Variants in APP observed in about 807,000 individuals in gnomAD.
APP encodes the protein amyloid beta precursor protein.
Under a neutral mutation model 101.4 loss-of-function variants are expected in APP, and 31 were observed. That is an observed-to-expected ratio of 0.31 (90% CI 0.23 to 0.41). The LOEUF (loss-of-function observed/expected upper bound fraction) is 0.41, where lower values mean the gene tolerates loss of function less well. Among genes scored for constraint, APP ranks in the 10% least tolerant of loss-of-function variants. The probability of loss-of-function intolerance (pLI) is 1.00; values close to 1 mark genes in which losing one functional copy is unlikely to be tolerated. For synonymous variants in APP, 366 were observed against 364.4 expected, an observed-to-expected ratio of 1.00 and a Z score of -0.05; for missense variants, 839 against 1,003.7, an observed-to-expected ratio of 0.84 and a Z score of 2.22.
chr21:25,886,051 G>A (rs2146210745), intron 17 of APP, among the ~76,000 whole-genome samples: 1 of 152,208 alleles, frequency 6.6e-6, no homozygotes, highest in East Asian at 1.9e-4. Context: ...ACAAGGGACT[G>A]AGTCAGGCCA....
intron 3 of APP, among the ~76,000 whole-genome samples, chr21:26,075,535 T>C (rs2061484425): frequency 6.6e-6 from 1 of 152,218 alleles, no homozygotes; most frequent in Non-Finnish European, 1.5e-5. Context: ...AATCAGTTTT[T>C]TCCCCAATCC....
intron 1 of APP, among the ~76,000 whole-genome samples, chr21:26,141,543 A>C (rs2063045860): frequency 6.6e-6 from 1 of 152,222 alleles, no homozygotes; most frequent in South Asian, 2.1e-4. Flanking sequence ...AGGATTAAGA[A>C]ATTTACATTC....
intron 17 of APP, among the ~76,000 whole-genome samples, chr21:25,884,636 T>G (rs1317881046): frequency 6.6e-6 from 1 of 152,196 alleles, no homozygotes; most frequent in Non-Finnish European, 1.5e-5. Flanking sequence ...CCATTTGAAC[T>G]TGGGCATCAT....
In APP at chr21:26,021,291, G is replaced by A. The variant is rs186432661; in HGVS notation, c.865+549C>T. On this transcript the variant is annotated intron_variant, in intron 6 of 17. Coordinates refer to ENST00000346798, the MANE Select transcript of APP (RefSeq NM_000484.4). ...TTGAACTCCTGGCCTCAGGTGATCC[G>A]CCTGCCTCGGCCTCCCAAAGTGCTG... Among the ~76,000 whole-genome samples the A allele has an allele frequency of 1.6e-3, 250 of 152,022 alleles. 1 individual carries two copies. The highest frequency in any genetic ancestry group is 5.5e-3 in the African/African-American group (230 of 41,464).
chr21:25,982,986 T>A (rs145341441), intron 8 of APP, among the ~76,000 whole-genome samples: 553 of 51,224 alleles, frequency 0.011, 1 homozygote, highest in Middle Eastern at 0.019. Context: ...AAGACAACCT[T>A]CATGAGACAG....
chr21:25,990,858 C>A (rs2042832941), intron 8 of APP, among the ~76,000 whole-genome samples: 1 of 152,154 alleles, frequency 6.6e-6, no homozygotes, highest in Non-Finnish European at 1.5e-5. Flanking sequence ...CCTGGCCTCG[C>A]ACATCCTGGG....
Position 25,963,066 on chromosome 21 carries a change from G to A in APP, c.1459-7311C>T, listed in dbSNP as rs149395808. On this transcript the variant is annotated intron_variant, in intron 11 of 17. Transcript: ENST00000346798. ...TGACCTCAGGTGATCCACCTGCCTC[G>A]GCCTCCCAAAGTGCTGGGATTACAG... Among the ~76,000 whole-genome samples, 1,472 of 152,166 alleles carry A rather than the reference G, an allele frequency of 9.7e-3. 15 individuals carry two copies. Among genetic ancestry groups the A allele is most frequent in the African/African-American group, 0.033 (1,359 of 41,506 alleles).
intron 3 of APP, among the ~76,000 whole-genome samples, chr21:26,081,871 G>A (rs17001673): frequency 0.049 from 7,445 of 152,178 alleles, 387 homozygotes; most frequent in East Asian, 0.23. Flanking sequence ...GTTATTGTAC[G>A]TTGATATTTA....
intron 1 of APP, among the ~76,000 whole-genome samples, chr21:26,166,442 TGAAAAG>T (rs773961471): frequency 1.8e-4 from 28 of 152,290 alleles, no homozygotes; most frequent in South Asian, 4.1e-4. Flanking sequence ...GCTCTCACTA[TGAAAAG>T]GAAAAGATTT....
chr21:26,143,486 T>C (rs550796180), intron 1 of APP, among the ~76,000 whole-genome samples: 70 of 152,378 alleles, frequency 4.6e-4, no homozygotes, highest in African/African-American at 1.6e-3. Flanking sequence ...TGTTTTGATA[T>C]ATGTATACAC....
intron 3 of APP, among the ~76,000 whole-genome samples, chr21:26,059,599 A>G (rs1006680468): frequency 6.6e-6 from 1 of 152,168 alleles, no homozygotes; most frequent in Non-Finnish European, 1.5e-5. Context: ...ACTTTATAAG[A>G]GAAGGCAAGG....
chr21:25,985,482 G>T (rs2042603510), intron 8 of APP, among the ~76,000 whole-genome samples: 1 of 152,138 alleles, frequency 6.6e-6, no homozygotes, highest in Non-Finnish European at 1.5e-5. Context: ...CTGGCTGCCT[G>T]AGTCAGGATA....
At position 26,166,481 on chromosome 21, in the gene APP, C is replaced by T. The variant is rs569028295; in HGVS notation, c.57+4083G>A. On this transcript the variant is annotated intron_variant, in intron 1 of 17. Transcript: ENST00000346798. ...TTTTTTTATTTCTGTTTTCTTCAGCCCTTTTCTGTCTACAAAGCCAATCTC... is the reference window on the plus strand; with the variant it reads ...TTTTTTTATTTCTGTTTTCTTCAGCTCTTTTCTGTCTACAAAGCCAATCTC... Among the ~76,000 whole-genome samples, 12 of 152,220 alleles carry T rather than the reference C, an allele frequency of 7.9e-5. No homozygotes were observed. In the South Asian group the frequency reaches 2.5e-3, roughly 32 times the overall value.
At chr21:26,058,528 A>C (rs2145983915) in intron 3 of APP, among the ~76,000 whole-genome samples, 1 of 152,364 alleles carries the variant, frequency 6.6e-6, no homozygotes, top group East Asian at 1.9e-4. Flanking sequence ...TTCAAAAGAC[A>C]GACAGAATTC....
chr21:26,070,973 G>A (rs892606294), intron 3 of APP, among the ~76,000 whole-genome samples: 1 of 152,104 alleles, frequency 6.6e-6, no homozygotes, highest in Non-Finnish European at 1.5e-5. Flanking sequence ...TTTTCTGCTT[G>A]ACTGAATTTT....
chr21:26,002,261 C>G (rs1438936781), intron 6 of APP, among the ~76,000 whole-genome samples: 3 of 152,242 alleles, frequency 2.0e-5, no homozygotes, highest in Admixed American at 2.0e-4. Context: ...CTGACTGTCC[C>G]TCCTGTTGAC....
intron 1 of APP, among the ~76,000 whole-genome samples, chr21:26,146,102 C>T (rs544374941): frequency 6.6e-6 from 1 of 152,316 alleles, no homozygotes; most frequent in East Asian, 1.9e-4. Context: ...CTCATGCCTG[C>T]AGTGGGCAGA....
At chr21:26,060,445 T>C (rs1030429250) in intron 3 of APP, among the ~76,000 whole-genome samples, 7 of 152,174 alleles carry the variant, frequency 4.6e-5, no homozygotes, top group African/African-American at 1.7e-4. Context: ...CCACTGTCCT[T>C]TATCCACTAA....
intron 5 of APP, among the ~76,000 whole-genome samples, chr21:26,027,991 T>TC (rs2044655321): frequency 6.6e-6 from 1 of 151,884 alleles, no homozygotes; most frequent in Non-Finnish European, 1.5e-5. Context: ...GGCCAGGAGT[T>TC]CGAGACCAGC....
Sources: allele counts gnomAD v4.1 joint callset (sites outside exome capture counted in the v4.1 genomes callset), GRCh38; gene constraint gnomAD v4.1.1; transcripts MANE v1.5; gene names NCBI Gene and HGNC (gene_info 2026-07-23, HGNC 2026-07-21).